WNK3: variants seen among roughly 807,000 people sequenced by gnomAD.
The protein encoded by WNK3 is serine/threonine-protein kinase WNK3.
A neutral mutation model predicts 116.7 loss-of-function variants in WNK3; 18 were observed. The observed-to-expected ratio is 0.15, with a 90% CI of 0.11 to 0.23. The LOEUF (loss-of-function observed/expected upper bound fraction) is 0.23, where lower values mean the gene tolerates loss of function less well. Ranked by LOEUF, WNK3 falls within the 10% of genes least tolerant of loss-of-function variation. The probability of loss-of-function intolerance (pLI) is 1.00; values close to 1 mark genes in which losing one functional copy is unlikely to be tolerated. For missense variants in WNK3, 993 were observed against 1,323.8 expected (o/e 0.75, Z 3.88); for synonymous variants, 404 against 469.4 (o/e 0.86, Z 1.80).
exon 24 of WNK3, chrX:54,198,470 G>C (rs2067467922): frequency 8.3e-7 from 1 of 1,208,006 alleles, no homozygotes; most frequent in Non-Finnish European, 1.1e-6. Flanking sequence ...CCTACCCACT[G>C]TACTGGATAC....
At chrX:54,235,342 G>C (rs1446408103) in intron 20 of WNK3, among the ~76,000 whole-genome samples, 2 of 112,133 alleles carry the variant, frequency 1.8e-5, no homozygotes, top group Admixed American at 9.5e-5. Context: ...CTGGAGTGCA[G>C]TGGTGCGATC....
Position 54,210,045 on chromosome X carries a change from C to T in WNK3, c.4871-7852G>A, listed in dbSNP as rs144348028. 7.2e-5 allele frequency among the ~76,000 whole-genome samples: 8 copies of T among 111,848 alleles called. No homozygotes were observed. The East Asian group carries it at 2.2e-3, about 31-fold the overall frequency. ...CCATGTAACACCTATTAACTCCCTG[C>T]TGACAACTTATGAAATGCTGTGCTA... is the stretch of plus-strand genomic sequence containing the variant. On this transcript the variant is annotated intron_variant, in intron 22 of 23. Transcript: ENST00000354646.
At chrX:54,248,754 T>C in exon 17 of WNK3, 1 of 1,211,746 alleles carries the variant, frequency 8.3e-7, no homozygotes. Context: ...TTTTGAACAC[T>C]GATATATTAG....
intron 17 of WNK3, 119 bp from the exon 18 acceptor site, chrX:54,239,218 A>AG (rs1390468648): frequency 2.6e-5 from 13 of 508,571 alleles, no homozygotes; most frequent in Admixed American, 5.1e-5. Context: ...AAAAAAAAAA[A>AG]CGGAATTTCT....
chrX:54,234,519 A>T (rs1461191232), intron 20 of WNK3, among the ~76,000 whole-genome samples: 3 of 112,018 alleles, frequency 2.7e-5, no homozygotes, highest in Non-Finnish European at 5.6e-5. Context: ...AATGGTTTAA[A>T]AGAACCATTA....
intron 17 of WNK3, among the ~76,000 whole-genome samples, chrX:54,241,839 A>G (rs192638008): frequency 4.6e-5 from 5 of 109,490 alleles, no homozygotes; most frequent in African/African-American, 1.7e-4. Flanking sequence ...CTGTAATCCC[A>G]GCTACTTGGG....
At chrX:54,246,086 G>A (rs2068072049) in intron 17 of WNK3, among the ~76,000 whole-genome samples, 1 of 112,136 alleles carries the variant, frequency 8.9e-6, no homozygotes, top group Admixed American at 9.5e-5. Flanking sequence ...TTCCACTTCT[G>A]TGAAATGCAC....
At chrX:54,327,989 AAAAAG>A (rs1557173742) in intron 2 of WNK3, among the ~76,000 whole-genome samples, 1 of 110,034 alleles carries the variant, frequency 9.1e-6, no homozygotes, top group Non-Finnish European at 1.9e-5. Flanking sequence ...AAAGAAAAAA[AAAAAG>A]AAAAGAATTA....
chrX:54,205,263 C>T (rs1469084612), intron 22 of WNK3, among the ~76,000 whole-genome samples: 1 of 95,826 alleles, frequency 1.0e-5, no homozygotes, highest in Non-Finnish European at 2.0e-5. Flanking sequence ...AACCAACCAA[C>T]CAACCAAACA....
rs188327630 is a variant in WNK3, at chrX:54,355,732, T to A, written c.-120+1954A>T. On this transcript the variant is annotated intron_variant, in intron 1 of 23. Coordinates refer to ENST00000354646, the Ensembl canonical transcript of WNK3. ...GCCTCAACCTAAGATTCCAGCCTTATCTCATTCCATTCTCCAAATATACCA... is the reference window on the plus strand; with the variant it reads ...GCCTCAACCTAAGATTCCAGCCTTAACTCATTCCATTCTCCAAATATACCA... 4.5e-5 allele frequency among the ~76,000 whole-genome samples: 5 copies of A among 111,469 alleles called. No homozygotes were observed. The East Asian group carries it at 1.4e-3, about 32-fold the overall frequency.
chrX:54,325,679 CAAAAAAAAAAAAAAAAA>C (rs57064020), intron 2 of WNK3, among the ~76,000 whole-genome samples: 1 of 11,311 alleles, frequency 8.8e-5, no homozygotes, highest in Admixed American at 1.9e-3. Context: ...AACTCCCTCT[CAAAAAAAAAAAAAAAAA>C]AAAAAAAAAA....
exon 24 of WNK3, chrX:54,195,870 A>C (rs1557139968): frequency 9.0e-6 from 1 of 111,527 alleles, no homozygotes; most frequent in East Asian, 2.8e-4. Context: ...ATGATGAATT[A>C]TATGTGGAAT....
intron 20 of WNK3, among the ~76,000 whole-genome samples, chrX:54,233,317 A>C (rs1557149465): frequency 9.4e-6 from 1 of 106,065 alleles, no homozygotes; most frequent in Non-Finnish European, 1.9e-5. Flanking sequence ...GCATGCCTGT[A>C]GTCCCACCTA....
At chrX:54,305,185 G>A (rs2068810273) in intron 5 of WNK3, among the ~76,000 whole-genome samples, 1 of 110,318 alleles carries the variant, frequency 9.1e-6, no homozygotes, top group Non-Finnish European at 1.9e-5. Context: ...GCAAAAAAAA[G>A]CCAAAGCAAT....
At chrX:54,286,912 C>CAAA (rs375601596) in intron 10 of WNK3, among the ~76,000 whole-genome samples, 1 of 71,007 alleles carries the variant, frequency 1.4e-5, no homozygotes, top group African/African-American at 5.1e-5. Context: ...GACCCCATCT[C>CAAA]AAAAAAAAAA....
chrX:54,298,549 T>C (rs1018239919), intron 6 of WNK3, among the ~76,000 whole-genome samples, 155 bp from the exon 7 acceptor site: 1 of 112,326 alleles, frequency 8.9e-6, no homozygotes, highest in Admixed American at 9.5e-5. Context: ...CAAATCTCTT[T>C]AACAGATCCT....
chrX:54,286,204 CA>C (rs34447204), intron 10 of WNK3, among the ~76,000 whole-genome samples: 2,730 of 87,431 alleles, frequency 0.031, 101 homozygotes, highest in African/African-American at 0.1. Flanking sequence ...AACAAACAAA[CA>C]AAAAAAAAAA....
At chrX:54,290,839 C>T (rs1603391125) in intron 10 of WNK3, among the ~76,000 whole-genome samples, 2 of 111,024 alleles carry the variant, frequency 1.8e-5, no homozygotes, top group South Asian at 7.7e-4. Context: ...ATTTGGGCTA[C>T]CATGCTCATA....
At chrX:54,293,634 T>G (rs1226598378) in intron 8 of WNK3, among the ~76,000 whole-genome samples, 1 of 112,015 alleles carries the variant, frequency 8.9e-6, no homozygotes, top group Non-Finnish European at 1.9e-5. Flanking sequence ...AATCTACACT[T>G]GACATAAGGA....
Sources: gnomAD v4.1 joint callset for allele counts (sites outside exome capture counted in the v4.1 genomes callset) on GRCh38, gnomAD v4.1.1 for gene constraint, MANE v1.5 for transcripts, NCBI Gene and HGNC (gene_info 2026-07-23, HGNC 2026-07-21) for gene names.